Variants in VWA2 observed in about 807,000 individuals in gnomAD.
VWA2 encodes the protein von Willebrand factor A domain-containing protein 2.
In VWA2, 73 loss-of-function variants were observed where a neutral mutation model predicts 70.4. The ratio of observed to expected loss-of-function variants is 1.04; its 90% CI spans 0.86 to 1.26. The LOEUF (loss-of-function observed/expected upper bound fraction) is 1.26, where lower values mean the gene tolerates loss of function less well. Among genes scored for constraint, VWA2 ranks in the 50% most tolerant of loss-of-function variants. VWA2 has a pLI of 0.00. For synonymous variants in VWA2, 407 were observed against 423.3 expected, an observed-to-expected ratio of 0.96 and a Z score of 0.47; for missense variants, 1,011 against 998.5, an observed-to-expected ratio of 1.01 and a Z score of -0.17.
chr10:114,281,833 C>A, intron 8 of VWA2: 2 of 834,478 alleles, frequency 2.4e-6, no homozygotes, highest in South Asian at 1.1e-4. Context: ...AAGTGAAGAC[C>A]AGAGGAGGAA....
chr10:114,267,136 C>T (rs1434278574), intron 5 of VWA2, among the ~76,000 whole-genome samples: 9 of 152,110 alleles, frequency 5.9e-5, no homozygotes, highest in African/African-American at 1.4e-4. Context: ...CATTTTGAGA[C>T]GGAGTTTCAC....
intron 5 of VWA2, among the ~76,000 whole-genome samples, chr10:114,264,707 C>T (rs2133339115): frequency 6.6e-6 from 1 of 151,944 alleles, no homozygotes; most frequent in Non-Finnish European, 1.5e-5. Context: ...GCGTGAGCCA[C>T]TGTGCTCGGC....
At position 114,292,363 on chromosome 10, in the gene VWA2, GAAGT is replaced by G. The variant is rs1034644581; in HGVS notation, c.*1130_*1133del. ...TATTCTCCTTTTAGTGGGGCAAAGAGAAGTAAGATTCTTAAACTCAAAAATATAG... is the reference window on the plus strand; with the variant it reads ...TATTCTCCTTTTAGTGGGGCAAAGAGAAGATTCTTAAACTCAAAAATATAG... On this transcript the variant is annotated 3_prime_UTR_variant, in exon 14 of 14. Transcript: ENST00000392982. Among the ~76,000 whole-genome samples, 1 of 152,020 alleles carries G rather than the reference GAAGT, an allele frequency of 6.6e-6. No individual in the cohort carries two copies. The highest frequency in any genetic ancestry group is 1.5e-5 in the Non-Finnish European group (1 of 68,008).
intron 4 of VWA2, among the ~76,000 whole-genome samples, chr10:114,256,013 G>GTAT (rs2037319485): frequency 6.6e-6 from 1 of 152,170 alleles, no homozygotes; most frequent in Non-Finnish European, 1.5e-5. Context: ...CACTGCTGGT[G>GTAT]GAGTGTGAAA....
chr10:114,281,612 T>C (rs1207998556), intron 8 of VWA2: 1 of 404,660 alleles, frequency 2.5e-6, no homozygotes, highest in Non-Finnish European at 3.3e-6. Context: ...GAGAAGTCAT[T>C]GAGTCCAGTG....
chr10:114,289,974 A>G, intron 12 of VWA2: 1 of 276,716 alleles, frequency 3.6e-6, no homozygotes, highest in Non-Finnish European at 6.8e-6. Context: ...CCTGGGCAAC[A>G]AGAGCAAGAT....
intron 8 of VWA2, chr10:114,280,753 T>A (rs1407467572): frequency 1.3e-5 from 2 of 152,168 alleles, no homozygotes; most frequent in African/African-American, 2.4e-5. Context: ...TATTATTATT[T>A]TTTTGAGACA....
At chr10:114,245,615 A>T (rs1238355132) in intron 1 of VWA2, among the ~76,000 whole-genome samples, 2 of 152,150 alleles carry the variant, frequency 1.3e-5, no homozygotes, top group Non-Finnish European at 2.9e-5. Flanking sequence ...AGGGAAAAAA[A>T]AAATGTCCTT....
intron 11 of VWA2, 33 bp downstream of exon 11, chr10:114,286,544 G>A (rs757457219): frequency 6.6e-7 from 1 of 1,506,502 alleles, no homozygotes; most frequent in Non-Finnish European, 8.9e-7. Context: ...AGGACCGCTG[G>A]TCAGTGGGCG....
chr10:114,286,012 C>T lies in VWA2; in HGVS notation c.1071C>T (p.Asp357=), dbSNP rs775011963. ...LLDSSAGTTL[D]GFLRAKVFVK... ...ACAGCTCTGCGGGCACCACTCTGGA[C>T]GGCTTCCTGCGGGCCAAAGTCTTCG... is the stretch of plus-strand genomic sequence containing the variant. Residue 357 remains aspartate, a synonymous_variant, in exon 11 of 14, where the codon GAC becomes GAT. Transcript: ENST00000392982. 33 of 1,614,034 alleles carry T rather than the reference C, an allele frequency of 2.0e-5. No individual in the cohort carries two copies. The highest frequency in any genetic ancestry group is 6.7e-5 in the East Asian group (3 of 44,876).
rs577640318 is a variant in VWA2 at position 114,286,031 on chromosome 10, G to A, written c.1090G>A (p.Val364Ile). The A allele has an allele frequency of 1.2e-6, 2 of 1,614,184 alleles. No homozygotes were observed. The highest frequency in any genetic ancestry group is 2.7e-5 in the African/African-American group (2 of 75,074). ...TCTGGACGGCTTCCTGCGGGCCAAAGTCTTCGTGAAGCGGTTTGTGCGGGC... is the reference window on the plus strand; with the variant it reads ...TCTGGACGGCTTCCTGCGGGCCAAAATCTTCGTGAAGCGGTTTGTGCGGGC... ...TTLDGFLRAK[V>I]FVKRFVRAVL... The change falls in exon 11 of 14, where the codon GTC becomes ATC. Residue 364 changes from valine (V) to isoleucine (I), a missense_variant. Transcript: ENST00000392982.
At chr10:114,268,801 TCTC>T (rs1358151596) in intron 5 of VWA2, among the ~76,000 whole-genome samples, 2 of 151,942 alleles carry the variant, frequency 1.3e-5, no homozygotes, top group East Asian at 3.9e-4. Context: ...TTCACGCCAT[TCTC>T]CTGCCTCAGC....
In VWA2 at chr10:114,250,398, A is replaced by T. The variant is rs185881421; in HGVS notation, c.52+1633A>T. 5.9e-5 allele frequency among the ~76,000 whole-genome samples: 9 copies of T among 152,236 alleles called. No individual in the cohort carries two copies. In the East Asian group the frequency reaches 1.7e-3, roughly 29 times the overall value. On this transcript the variant is annotated intron_variant, in intron 2 of 13. Coordinates refer to ENST00000392982, the MANE Select transcript of VWA2 (RefSeq NM_001272046.2). ...TTTGAAATATGAGAAGGTAGGAAGG[A>T]ATTGATGTGTCTGCAGATTGTTGTC...
intron 1 of VWA2, chr10:114,246,505 C>CAACAAAAAAAAAAAAAAAA (rs2037072946): frequency 2.9e-6 from 1 of 349,812 alleles, no homozygotes; most frequent in Admixed American, 6.4e-5. Context: ...AACTCCATCT[C>CAACAAAAAAAAAAAAAAAA]AAAAAAAAAA....
Position 114,277,168 on chromosome 10 carries a change from CTTTTTTTTTTTTTTT to C in VWA2, c.567-730_567-716del, listed in dbSNP as rs780326649. 9.9e-3 allele frequency among the ~76,000 whole-genome samples: 608 copies of C among 61,222 alleles called. 16 individuals are homozygous for C. Among genetic ancestry groups the C allele is most frequent in the African/African-American group, 0.04 (579 of 14,496 alleles). The allele number at this position is 61,222 out of a possible 152,430, so 40.2% of individuals were successfully genotyped here. On this transcript the variant is annotated intron_variant, in intron 6 of 13. Coordinates refer to ENST00000392982, the MANE Select transcript of VWA2 (RefSeq NM_001272046.2). The stretch of plus-strand genomic sequence containing the variant: ...TCTAGATACATTACTGACTGCACGT[CTTTTTTTTTTTTTTT>C]TTTTTTTTTTTTTTTCTGGAGACAG...
At chr10:114,245,948 A>C in intron 1 of VWA2, 2 of 421,358 alleles carry the variant, frequency 4.7e-6, no homozygotes, top group Middle Eastern at 6.6e-4. Context: ...ATATTTTAGA[A>C]TTAGGTAGAA....
chr10:114,249,466 G>A (rs2037148554), intron 2 of VWA2, among the ~76,000 whole-genome samples: 1 of 152,176 alleles, frequency 6.6e-6, no homozygotes, highest in African/African-American at 2.4e-5. Context: ...ATATTGGTCA[G>A]GCTGGTCTTG....
chr10:114,252,398 G>C (rs368048079), intron 2 of VWA2, among the ~76,000 whole-genome samples: 28 of 152,196 alleles, frequency 1.8e-4, no homozygotes, highest in Middle Eastern at 3.4e-3. Flanking sequence ...CAAAGATATG[G>C]TATGGGGAGA....
intron 10 of VWA2, 76 bp downstream of exon 10, chr10:114,285,046 C>A (rs1380776099): frequency 8.3e-7 from 1 of 1,209,222 alleles, no homozygotes; most frequent in African/African-American, 1.6e-5. Context: ...CATTGCACGC[C>A]CTTCCAGCTG....
Sources: gnomAD v4.1 joint callset for allele counts (sites outside exome capture counted in the v4.1 genomes callset) on GRCh38, gnomAD v4.1.1 for gene constraint, MANE v1.5 for transcripts, NCBI Gene and HGNC (gene_info 2026-07-23, HGNC 2026-07-21) for gene names.